The following UXS1 variants were observed in gnomAD, a reference collection of about 807,000 sequenced individuals.
UXS1 encodes UDP-glucuronic acid decarboxylase 1.
A neutral mutation model predicts 62.6 loss-of-function variants in UXS1; 33 were observed. That is an observed-to-expected ratio of 0.53 (90% confidence interval 0.40 to 0.70). The LOEUF (loss-of-function observed/expected upper bound fraction) is 0.70, where lower values mean the gene tolerates loss of function less well. Ranked by LOEUF, UXS1 falls within the 30% of genes least tolerant of loss-of-function variation. The probability of loss-of-function intolerance (pLI) is 0.00; values close to 1 mark genes in which losing one functional copy is unlikely to be tolerated. For missense variants in UXS1, 434 were observed against 556.3 expected (o/e 0.78, Z 2.21); for synonymous variants, 213 against 206.8 (o/e 1.03, Z -0.26).
rs1685110479 is a variant in UXS1 at position 106,194,030 on chromosome 2, GGCGGGGAGCAAC to G, written c.94+106_94+117del. The G allele has an allele frequency of 4.3e-6, 3 of 689,868 alleles. No individual in the cohort carries two copies. In the South Asian group the frequency reaches 1.2e-4, roughly 27 times the overall value. 42.7% of individuals were successfully genotyped at this position (689,868 alleles called of 1,614,324 possible). On this transcript the variant is annotated intron_variant, in intron 1 of 14. Transcript: ENST00000283148. Reference sequence around the variant, plus strand: ...AGCAGAAAGCGCCGGCCCCGCCCGGGGCGGGGAGCAACGCGGGGCTGCAGGGCCGCCTCGGGG... The same window carrying G: ...AGCAGAAAGCGCCGGCCCCGCCCGGGGCGGGGCTGCAGGGCCGCCTCGGGG...
intron 2 of UXS1, among the ~76,000 whole-genome samples, chr2:106,165,669 T>C (rs537644222): frequency 1.2e-3 from 176 of 152,264 alleles, no homozygotes; most frequent in African/African-American, 4.0e-3. Context: ...GCTGGCCCCC[T>C]GAGGTCATGG....
At chr2:106,094,294 CCA>C in intron 14 of UXS1, 137 bp from the exon 15 acceptor site, 2 of 810,996 alleles carry the variant, frequency 2.5e-6, no homozygotes, top group East Asian at 7.2e-5. Context: ...ACTCACAGAA[CCA>C]TGCTTTGGTT....
At chr2:106,167,322 G>C (rs2105067816) in intron 1 of UXS1, among the ~76,000 whole-genome samples, 1 of 152,222 alleles carries the variant, frequency 6.6e-6, no homozygotes, top group South Asian at 2.1e-4. Context: ...GGTGCATTTA[G>C]GTGCTTCCAG....
intron 11 of UXS1, 49 bp downstream of exon 11, chr2:106,104,745 C>G: frequency 6.2e-7 from 1 of 1,612,352 alleles, no homozygotes; most frequent in Non-Finnish European, 8.5e-7. Context: ...TTGGCATGAC[C>G]CCTGCTCCAA....
Position 106,101,074 on chromosome 2 carries a change from C to G in UXS1, c.968G>C (p.Ser323Thr), listed in dbSNP as rs755375497. 6.2e-7 allele frequency: 1 copy of G among 1,613,870 alleles called. No homozygotes were observed. Among genetic ancestry groups the G allele is most frequent in the South Asian group, 1.1e-5 (1 of 91,064 alleles). The change falls in exon 12 of 15, where the codon AGC (serine) becomes ACC (threonine). Residue 323 changes from serine (S) to threonine (T), a missense_variant. This residue lies in a region of UXS1 where 209 missense variants were observed against 233.3 expected (regional missense o/e 0.90). Transcript: ENST00000283148. Reference sequence around the variant, plus strand: ...AGCACTCACCAGGTTGACCGGGCTGCTGACGTTGCTGTTCATGAGAGCCAC... The same window carrying G: ...AGCACTCACCAGGTTGACCGGGCTGGTGACGTTGCTGTTCATGAGAGCCAC... ...GLVALMNSNVSSPVNLGNPEE... is the reference protein window; with the variant it reads ...GLVALMNSNVTSPVNLGNPEE...
intron 1 of UXS1, among the ~76,000 whole-genome samples, chr2:106,168,775 CAG>C (rs1683363318): frequency 6.6e-6 from 1 of 152,070 alleles, no homozygotes; most frequent in African/African-American, 2.4e-5. Context: ...TTGATGAAAT[CAG>C]AAAGCCATTA....
intron 5 of UXS1, among the ~76,000 whole-genome samples, chr2:106,147,601 T>C (rs1447990334): frequency 6.6e-6 from 1 of 152,040 alleles, no homozygotes; most frequent in African/African-American, 2.4e-5. Flanking sequence ...TAAAATAAAA[T>C]ACAGAATCTC....
chr2:106,124,039 T>C (rs1186415069), intron 8 of UXS1, among the ~76,000 whole-genome samples: 1 of 152,166 alleles, frequency 6.6e-6, no homozygotes, highest in Admixed American at 6.5e-5. Flanking sequence ...AATGCAGAAG[T>C]GTGCTGCAAA....
intron 11 of UXS1, 75 bp downstream of exon 11, chr2:106,104,719 T>G (rs1196752784): frequency 6.4e-7 from 1 of 1,572,668 alleles, no homozygotes; most frequent in Non-Finnish European, 8.7e-7. Flanking sequence ...TACAAGACAC[T>G]GAACTGTCTG....
chr2:106,119,727 G>A (rs1334977623), intron 9 of UXS1, among the ~76,000 whole-genome samples: 1 of 152,218 alleles, frequency 6.6e-6, no homozygotes, highest in Admixed American at 6.5e-5. Context: ...GCCACAGGTA[G>A]AGGGCAGACC....
chr2:106,103,811 A>G (rs1677813264), intron 11 of UXS1, among the ~76,000 whole-genome samples: 1 of 152,178 alleles, frequency 6.6e-6, no homozygotes, highest in African/African-American at 2.4e-5. Context: ...TTCAGCAAAA[A>G]TCTACAGTGG....
At chr2:106,140,383 C>T (rs1681003068) in intron 6 of UXS1, among the ~76,000 whole-genome samples, 2 of 152,198 alleles carry the variant, frequency 1.3e-5, no homozygotes, top group Non-Finnish European at 2.9e-5. Flanking sequence ...GCAATATAAA[C>T]TGAAAGCTGA....
At chr2:106,110,714 T>C (rs1678518199) in intron 10 of UXS1, among the ~76,000 whole-genome samples, 1 of 152,228 alleles carries the variant, frequency 6.6e-6, no homozygotes, top group Non-Finnish European at 1.5e-5. Context: ...TGCGCCCACG[T>C]ACCTGGTGGT....
chr2:106,179,365 T>C (rs1277774301), intron 1 of UXS1, among the ~76,000 whole-genome samples: 1 of 152,116 alleles, frequency 6.6e-6, no homozygotes, highest in East Asian at 1.9e-4. Flanking sequence ...CTGTCATCTT[T>C]CCCAACCCTG....
At chr2:106,153,949 A>G (rs1014953923) in intron 5 of UXS1, among the ~76,000 whole-genome samples, 2 of 152,226 alleles carry the variant, frequency 1.3e-5, no homozygotes, top group African/African-American at 4.8e-5. Flanking sequence ...TAAAAATTCA[A>G]CAAAGGGATT....
intron 6 of UXS1, chr2:106,138,753 G>A (rs778841956): frequency 7.1e-6 from 7 of 985,402 alleles, no homozygotes; most frequent in Non-Finnish European, 7.2e-6. Context: ...GTTAAGTAGC[G>A]GCACTGCTGC....
At chr2:106,118,829 A>C (rs1336719088) in intron 9 of UXS1, among the ~76,000 whole-genome samples, 1 of 152,236 alleles carries the variant, frequency 6.6e-6, no homozygotes, top group Admixed American at 6.5e-5. Flanking sequence ...CAATCTTTAC[A>C]TATTATTCAG....
intron 5 of UXS1, 75 bp downstream of exon 5, chr2:106,157,980 TATG>T (rs1473639745): frequency 1.6e-6 from 2 of 1,250,882 alleles, no homozygotes; most frequent in African/African-American, 1.5e-5. Flanking sequence ...GCGTGAATTC[TATG>T]ATATGTGAAT....
intron 1 of UXS1, among the ~76,000 whole-genome samples, chr2:106,186,455 T>TACACACACACACACAC (rs146886217): frequency 8.5e-5 from 12 of 141,276 alleles, no homozygotes; most frequent in Non-Finnish European, 1.9e-4. Flanking sequence ...TATATATATA[T>TACACACACACACACAC]ATACACACAC....
Sources: allele counts gnomAD v4.1 joint callset (sites outside exome capture counted in the v4.1 genomes callset), GRCh38; gene constraint gnomAD v4.1.1; regional missense constraint gnomAD v4.1.1; transcripts MANE v1.5; gene names NCBI Gene and HGNC (gene_info 2026-07-23, HGNC 2026-07-21).